The following PLB1 variants were observed in gnomAD, a reference collection of about 807,000 sequenced individuals.
The protein encoded by PLB1 is phospholipase B1.
PLB1 carries 242 observed loss-of-function variants against 227.4 expected under a neutral mutation model. The ratio of observed to expected loss-of-function variants is 1.06; its 90% CI spans 0.96 to 1.18. PLB1 has a LOEUF of 1.18. Among genes scored for constraint, PLB1 ranks in the 50% most tolerant of loss-of-function variants. The pLI, the probability that PLB1 is intolerant of heterozygous loss-of-function variation, is 0.00. For missense variants in PLB1, 1,858 were observed against 1,816.3 expected, an observed-to-expected ratio of 1.02 and a Z score of -0.42; for synonymous variants, 757 against 682.2, an observed-to-expected ratio of 1.11 and a Z score of -1.71.
At chr2:28,603,639 A>C (rs1436290509) in intron 39 of PLB1, among the ~76,000 whole-genome samples, 1 of 152,224 alleles carries the variant, frequency 6.6e-6, no homozygotes, top group African/African-American at 2.4e-5. Context: ...TTTCTTTTTA[A>C]TTAAACACTA....
chr2:28,523,561 G>A (rs968440592), intron 4 of PLB1, among the ~76,000 whole-genome samples: 51 of 152,086 alleles, frequency 3.4e-4, no homozygotes, highest in African/African-American at 1.2e-3. Flanking sequence ...AGTTTGCTGG[G>A]TTAGCCACAG....
At chr2:28,602,443 TG>T (rs1230734179) in intron 38 of PLB1, among the ~76,000 whole-genome samples, 2 of 152,204 alleles carry the variant, frequency 1.3e-5, no homozygotes, top group African/African-American at 4.8e-5. Flanking sequence ...TGCTCCCCTG[TG>T]GGGGTTGAGT....
chr2:28,623,225 G>A (rs1324094297), intron 49 of PLB1, among the ~76,000 whole-genome samples: 1 of 152,208 alleles, frequency 6.6e-6, no homozygotes, highest in Non-Finnish European at 1.5e-5. Flanking sequence ...CAAGTTGGTA[G>A]CAGAGCTGAA....
At chr2:28,555,316 A>T (rs1025816402) in intron 17 of PLB1, among the ~76,000 whole-genome samples, 6 of 151,788 alleles carry the variant, frequency 4.0e-5, no homozygotes, top group Non-Finnish European at 7.4e-5. Context: ...TAATTTTTGT[A>T]TTTTTTGTAG....
intron 20 of PLB1, among the ~76,000 whole-genome samples, 156 bp from the exon 21 acceptor site, chr2:28,573,041 G>A (rs1300285981): frequency 6.6e-6 from 1 of 152,196 alleles, no homozygotes; most frequent in African/African-American, 2.4e-5. Flanking sequence ...GCGCCATCCT[G>A]CTGAACATTT....
rs113755613 is a variant in PLB1 at position 28,624,677 on chromosome 2, G to A, written c.3528-380G>A. 6.6e-4 allele frequency among the ~76,000 whole-genome samples: 100 copies of A among 152,264 alleles called. 1 individual carries two copies. The highest frequency in any genetic ancestry group is 2.4e-3 in the African/African-American group (100 of 41,544). ...TAAGCCTGGAAAGGAGAAAACTGAG[G>A]GATAATTGAGAGCTGTGACTTTTCT... On this transcript the variant is annotated intron_variant, in intron 49 of 57. Coordinates refer to ENST00000327757, the MANE Select transcript of PLB1 (RefSeq NM_153021.5).
chr2:28,628,947 T>C, intron 52 of PLB1, 147 bp from the exon 53 acceptor site: 1 of 666,172 alleles, frequency 1.5e-6, no homozygotes, highest in Non-Finnish European at 2.6e-6. Context: ...GAAGATTCAG[T>C]GAGATACTAC....
At chr2:28,620,797 C>A in intron 48 of PLB1, 82 bp from the exon 49 acceptor site, 1 of 1,476,868 alleles carries the variant, frequency 6.8e-7, no homozygotes, top group Non-Finnish European at 9.5e-7. Context: ...CCCATGTCCC[C>A]ACCCTGCATG....
chr2:28,636,888 A>G (rs116352450), intron 56 of PLB1, among the ~76,000 whole-genome samples: 1,760 of 152,258 alleles, frequency 0.012, 32 homozygotes, highest in African/African-American at 0.04. Context: ...GCTTTTGAGG[A>G]CTATAATAGT....
At chr2:28,529,178 C>T in intron 6 of PLB1, 139 bp from the exon 7 acceptor site, 1 of 623,810 alleles carries the variant, frequency 1.6e-6, no homozygotes, top group Middle Eastern at 4.3e-4. Flanking sequence ...CTCTTGGGCT[C>T]AAGTGATCCT....
chr2:28,634,668 G>A (rs1005062166), intron 56 of PLB1, among the ~76,000 whole-genome samples: 8 of 152,174 alleles, frequency 5.3e-5, no homozygotes, highest in Non-Finnish European at 1.0e-4. Context: ...AGCACTTTGG[G>A]AGGCCGAGGC....
chr2:28,627,599 T>A (rs1412711582), intron 51 of PLB1, among the ~76,000 whole-genome samples: 1 of 152,226 alleles, frequency 6.6e-6, no homozygotes, highest in Non-Finnish European at 1.5e-5. Flanking sequence ...ATGGATTGTC[T>A]ATCTTGTTCC....
chr2:28,589,467 G>C lies in PLB1; in HGVS notation c.1833G>C (p.Leu611=). The C allele has an allele frequency of 6.2e-7, 1 of 1,614,098 alleles. No individual in the cohort carries two copies. The highest frequency in any genetic ancestry group is 8.5e-7 in the Non-Finnish European group (1 of 1,179,950). The change falls in exon 27 of 58, where the codon CTG becomes CTC. Residue 611 remains leucine, a synonymous_variant. Coordinates refer to ENST00000327757, the MANE Select transcript of PLB1 (RefSeq NM_153021.5). The part of the protein sequence containing the change: ...NKKFQEKTHQ[L]IESGRYDTRE... ...TCCTGCAGGAGAAGACCCACCAACT[G>C]ATTGAGAGTGGGCGATATGACACAA...
At chr2:28,569,871 C>G (rs1677699676) in intron 20 of PLB1, among the ~76,000 whole-genome samples, 1 of 149,580 alleles carries the variant, frequency 6.7e-6, no homozygotes, top group Non-Finnish European at 1.5e-5. Context: ...GAGGCTGAGG[C>G]AGGAGAATGG....
At chr2:28,551,212 T>C (rs1997266) in intron 16 of PLB1, among the ~76,000 whole-genome samples, 96,194 of 152,114 alleles carry the variant, frequency 0.63, 31,236 homozygotes, top group Non-Finnish European at 0.71. Context: ...GAACCCAGAT[T>C]GTGTGGAGCT....
chr2:28,509,377 C>CGGCCGGGCGCGGTGGCTCACGCCTGTAAT (rs1667977304), intron 1 of PLB1, among the ~76,000 whole-genome samples: 1 of 152,124 alleles, frequency 6.6e-6, no homozygotes, highest in African/African-American at 2.4e-5. Flanking sequence ...ACTCTGGTGC[C>CGGCCGGGCGCGGTGGCTCACGCCTGTAAT]CAGCATACCC....
At chr2:28,534,354 C>T (rs1218518197) in intron 9 of PLB1, among the ~76,000 whole-genome samples, 1 of 152,068 alleles carries the variant, frequency 6.6e-6, no homozygotes, top group Non-Finnish European at 1.5e-5. Flanking sequence ...AAATTGTGGA[C>T]TGAAGTACAT....
chr2:28,605,908 A>T lies in PLB1; in HGVS notation c.3017A>T (p.Lys1006Ile). The T allele has an allele frequency of 6.2e-7, 1 of 1,613,912 alleles. No individual in the cohort carries two copies. Among genetic ancestry groups the T allele is most frequent in the Non-Finnish European group, 8.5e-7 (1 of 1,179,840 alleles). The change falls in exon 42 of 58, where the codon AAA becomes ATA. Residue 1006 changes from lysine to isoleucine, a missense_variant. By Grantham distance (102) the Lys-to-Ile change is moderately radical. Coordinates refer to ENST00000327757, the MANE Select transcript of PLB1 (RefSeq NM_153021.5). The stretch of plus-strand genomic sequence containing the variant: ...CCAGACTGCATCCACCCAAATCAGA[A>T]ATTCCACTCCCAGCTGGCCAGAGCC... ...FAPDCIHPNQ[K>I]FHSQLARALW...
chr2:28,581,497 ATAAATAAATAAATAAAT>A (rs1679977437), intron 23 of PLB1, among the ~76,000 whole-genome samples: 4 of 104,978 alleles, frequency 3.8e-5, no homozygotes, highest in African/African-American at 1.7e-4. Flanking sequence ...AAATAAATAA[ATAAATAAATAAATAAAT>A]AAATAAATAA....
Sources: gnomAD v4.1 joint callset for allele counts (sites outside exome capture counted in the v4.1 genomes callset) on GRCh38, gnomAD v4.1.1 for gene constraint, MANE v1.5 for transcripts, NCBI Gene and HGNC (gene_info 2026-07-23, HGNC 2026-07-21) for gene names.